The following ANKS3 variants were observed in gnomAD, a reference collection of about 807,000 sequenced individuals.
The protein encoded by ANKS3 is ankyrin repeat and SAM domain-containing protein 3.
ANKS3 carries 62 observed loss-of-function variants against 80.7 expected under a neutral mutation model. That is an observed-to-expected ratio of 0.77 (90% CI 0.63 to 0.95). ANKS3 has a LOEUF of 0.95. Among genes scored for constraint, ANKS3 ranks in the 40% least tolerant of loss-of-function variants. The probability of loss-of-function intolerance (pLI) is 0.00; values close to 1 mark genes in which losing one functional copy is unlikely to be tolerated. For synonymous variants in ANKS3, 489 were observed against 355.3 expected (o/e 1.38, Z -4.23); for missense variants, 1,150 against 883.6 (o/e 1.30, Z -3.82).
intron 1 of ANKS3, among the ~76,000 whole-genome samples, chr16:4,732,262 A>G (rs1322770923): frequency 6.6e-6 from 1 of 152,118 alleles, no homozygotes; most frequent in Non-Finnish European, 1.5e-5. Flanking sequence ...TGGCCAACGA[A>G]GCCTGGATAA....
chr16:4,724,673 G>C (rs2081266601), intron 6 of ANKS3, 77 bp downstream of exon 6: 8 of 1,376,664 alleles, frequency 5.8e-6, no homozygotes, highest in Non-Finnish European at 8.1e-6. Flanking sequence ...GGAAAATTCT[G>C]TAATAGCTTA....
At chr16:4,696,942 C>T (rs2079583824) in intron 17 of ANKS3, 46 bp from the exon 18 acceptor site, 2 of 1,352,654 alleles carry the variant, frequency 1.5e-6, no homozygotes, top group East Asian at 4.8e-5. Context: ...CAGGTGGGTG[C>T]ATACCCACAC....
chr16:4,727,250 G>C, intron 3 of ANKS3, 73 bp from the exon 4 acceptor site: 1 of 1,503,206 alleles, frequency 6.7e-7, no homozygotes, highest in Non-Finnish European at 9.1e-7. Flanking sequence ...TGGTGGCGAG[G>C]CTAGGCCAGG....
intron 5 of ANKS3, among the ~76,000 whole-genome samples, chr16:4,726,376 T>C (rs755737309): frequency 5.3e-5 from 8 of 152,198 alleles, no homozygotes; most frequent in Non-Finnish European, 8.8e-5. Flanking sequence ...CCATTCAGTA[T>C]GTTAGGCCCC....
chr16:4,729,950 T>C, intron 3 of ANKS3, 30 bp downstream of exon 3: 1 of 1,451,088 alleles, frequency 6.9e-7, no homozygotes, highest in African/African-American at 1.4e-5. Flanking sequence ...CTGCTCAAAA[T>C]GTGAGAGGAA....
At chr16:4,733,202 CAAAAAA>C (rs56944690) in intron 1 of ANKS3, among the ~76,000 whole-genome samples, 2 of 70,526 alleles carry the variant, frequency 2.8e-5, no homozygotes, top group Non-Finnish European at 4.9e-5. Flanking sequence ...GACTCCGTCT[CAAAAAA>C]AAAAAAAAAA....
rs373801235 is a variant in ANKS3, at chr16:4,698,812, G to A, written c.1539C>T (p.Ile513=). ...CCCAGCCACTCACCTTGTGCAGCTG[G>A]ATGGCGAGCTCCTGCATCTCAGCCT... ...RLEAEMQELA[I]QLHKRCEEVE... is the part of the protein sequence containing the mutation. Residue 513 remains isoleucine, a synonymous_variant, in exon 13 of 18, where the codon ATC becomes ATT. Transcript: ENST00000304283. 1.2e-6 allele frequency: 2 copies of A among 1,606,538 alleles called. No homozygotes were observed. The highest frequency in any genetic ancestry group is 3.4e-5 in the Admixed American group (2 of 59,416).
At chr16:4,714,223 C>T in intron 6 of ANKS3, 37 bp from the exon 7 acceptor site, 1 of 1,609,238 alleles carries the variant, frequency 6.2e-7, no homozygotes, top group Non-Finnish European at 8.5e-7. Context: ...GGGGCCTCTC[C>T]TTCAAAGCAC....
chr16:4,714,292 C>A, intron 6 of ANKS3, 106 bp from the exon 7 acceptor site: 1 of 1,480,868 alleles, frequency 6.8e-7, no homozygotes, highest in Non-Finnish European at 9.2e-7. Context: ...TTTCTGACTG[C>A]CTCCCTGTGT....
chr16:4,723,658 A>G (rs1193914925), intron 6 of ANKS3, among the ~76,000 whole-genome samples: 1 of 152,240 alleles, frequency 6.6e-6, no homozygotes, highest in African/African-American at 2.4e-5. Flanking sequence ...AGGGCCGAAT[A>G]ATATCCTGCT....
intron 11 of ANKS3, chr16:4,700,754 G>A (rs767267948): frequency 1.3e-6 from 1 of 755,304 alleles, no homozygotes; most frequent in East Asian, 2.6e-5. Flanking sequence ...AGGGAGACAG[G>A]TCCTTTCCGT....
At chr16:4,703,343 G>A (rs1278469995) in intron 8 of ANKS3, among the ~76,000 whole-genome samples, 1 of 152,024 alleles carries the variant, frequency 6.6e-6, no homozygotes, top group African/African-American at 2.4e-5. Context: ...CACAACTCCT[G>A]AGCCCAAGCA....
chr16:4,709,889 T>C (rs897554234), intron 7 of ANKS3, among the ~76,000 whole-genome samples: 1 of 152,110 alleles, frequency 6.6e-6, no homozygotes, highest in Non-Finnish European at 1.5e-5. Flanking sequence ...TAGGTGCCTG[T>C]AGTGCCAGCT....
At chr16:4,714,830 A>G (rs1277222441) in intron 6 of ANKS3, among the ~76,000 whole-genome samples, 6 of 151,852 alleles carry the variant, frequency 4.0e-5, no homozygotes, top group Admixed American at 2.0e-4. Flanking sequence ...CGTCTCTACT[A>G]AAAATACAAA....
chr16:4,701,504 C>G lies in ANKS3; in HGVS notation c.1049G>C (p.Ser350Thr). The change falls in exon 10 of 18, where the codon AGC becomes ACC. Residue 350 changes from serine to threonine, a missense_variant. Coordinates refer to ENST00000304283, the MANE Select transcript of ANKS3 (RefSeq NM_133450.4). ...GGCCAGGCCCTCGCTGCTGCTGCTGCTCTGGACGGGCCCCAGGTTGGCACA... is the reference window on the plus strand; with the variant it reads ...GGCCAGGCCCTCGCTGCTGCTGCTGGTCTGGACGGGCCCCAGGTTGGCACA... ...AFCANLGPVQ[S>T]SSSSEGLARA... 2 of 1,612,120 alleles carry G rather than the reference C, an allele frequency of 1.2e-6. No homozygotes were observed. Among genetic ancestry groups the G allele is most frequent in the Non-Finnish European group, 1.7e-6 (2 of 1,179,008 alleles).
At chr16:4,708,312 T>C (rs772070733) in intron 7 of ANKS3, among the ~76,000 whole-genome samples, 18 of 152,122 alleles carry the variant, frequency 1.2e-4, no homozygotes, top group Admixed American at 2.6e-4. Flanking sequence ...AATACTTCTA[T>C]TAGACAACTC....
At chr16:4,728,102 G>C (rs2081445771) in intron 3 of ANKS3, 1 of 152,220 alleles carries the variant, frequency 6.6e-6, no homozygotes, top group Non-Finnish European at 1.5e-5. Context: ...CTGGAGTGCA[G>C]TGGCGCGATC....
At chr16:4,715,013 A>AAAAAAAAAAAAAAAAAAAAAAAAAC (rs2080716569) in intron 6 of ANKS3, among the ~76,000 whole-genome samples, 1 of 151,156 alleles carries the variant, frequency 6.6e-6, no homozygotes, top group African/African-American at 2.4e-5. Context: ...AAAAAAAAAA[A>AAAAAAAAAAAAAAAAAAAAAAAAAC]AAGGATGTTT....
rs530413179 is a variant in ANKS3 at position 4,710,217 on chromosome 16, G to A, written c.709+3834C>T. ...GGTGTTCACAGTAGAGTGACTATAC[G>A]GAACAACAGCTTATACCTCAAAATA... On this transcript the variant is annotated intron_variant, in intron 7 of 17. Transcript: ENST00000304283. 3.3e-5 allele frequency among the ~76,000 whole-genome samples: 5 copies of A among 152,104 alleles called. 1 individual carries two copies. The South Asian group carries it at 6.2e-4, about 19-fold the overall frequency.
Sources: allele counts gnomAD v4.1 joint callset (sites outside exome capture counted in the v4.1 genomes callset), GRCh38; gene constraint gnomAD v4.1.1; transcripts MANE v1.5; gene names NCBI Gene and HGNC (gene_info 2026-07-23, HGNC 2026-07-21).